Variants in UACA observed in about 807,000 individuals in gnomAD.
The protein encoded by UACA is nuclear membrane binding protein.
A neutral mutation model predicts 160.5 loss-of-function variants in UACA; 112 were observed. The ratio of observed to expected loss-of-function variants is 0.70; its 90% CI spans 0.60 to 0.82. The LOEUF is 0.82. Ranked by LOEUF, UACA falls within the 40% of genes least tolerant of loss-of-function variation. UACA has a pLI of 0.00. For synonymous variants in UACA, 557 were observed against 568.4 expected (o/e 0.98, Z 0.29); for missense variants, 1,574 against 1,614.6 (o/e 0.97, Z 0.43).
At chr15:70,703,162 G>T (rs1898423796) in intron 1 of UACA, 3 of 1,288,958 alleles carry the variant, frequency 2.3e-6, no homozygotes, top group Non-Finnish European at 2.0e-6. Flanking sequence ...CAAATTCAGG[G>T]TGGTTTTTTT....
At chr15:70,736,287 G>A (rs532195559) in intron 1 of UACA, among the ~76,000 whole-genome samples, 7 of 152,232 alleles carry the variant, frequency 4.6e-5, no homozygotes, top group African/African-American at 1.7e-4. Flanking sequence ...CGAGTAAGTA[G>A]TTTCCATACT....
intron 13 of UACA, among the ~76,000 whole-genome samples, chr15:70,675,018 T>A (rs1897265552): frequency 6.6e-6 from 1 of 152,192 alleles, no homozygotes. Context: ...TACTCCTAAA[T>A]TTTCTCATTC....
At chr15:70,701,751 C>T (rs1262871189) in intron 1 of UACA, 1 of 869,016 alleles carries the variant, frequency 1.2e-6, no homozygotes, top group African/African-American at 1.7e-5. Flanking sequence ...ATCTGCTAAT[C>T]AACTTAATCA....
chr15:70,735,931 C>T (rs1032492180), intron 1 of UACA, among the ~76,000 whole-genome samples: 2 of 152,168 alleles, frequency 1.3e-5, no homozygotes, highest in African/African-American at 2.4e-5. Flanking sequence ...CCACCTCAGC[C>T]TCCCAAAGTG....
intron 1 of UACA, among the ~76,000 whole-genome samples, chr15:70,719,049 G>C (rs1024583734): frequency 2.6e-5 from 4 of 151,052 alleles, no homozygotes; most frequent in Non-Finnish European, 5.9e-5. Context: ...GAGGAAGGAA[G>C]GGTAGAAAGA....
At chr15:70,706,757 T>G (rs564344286) in intron 1 of UACA, among the ~76,000 whole-genome samples, 1 of 152,192 alleles carries the variant, frequency 6.6e-6, no homozygotes, top group African/African-American at 2.4e-5. Flanking sequence ...GGTGAAAAAT[T>G]TGTACACTAA....
chr15:70,722,022 CTTAAAT>C (rs1321398818), intron 1 of UACA, among the ~76,000 whole-genome samples: 2 of 152,142 alleles, frequency 1.3e-5, no homozygotes, highest in African/African-American at 4.8e-5. Flanking sequence ...AGTAAGTTCT[CTTAAAT>C]TTAGACTATA....
intron 1 of UACA, among the ~76,000 whole-genome samples, chr15:70,718,250 C>T (rs950024787): frequency 3.0e-3 from 26 of 8,642 alleles, no homozygotes; most frequent in Non-Finnish European, 4.7e-3. Flanking sequence ...GACAGAGGAA[C>T]GGGGGGGAGG....
chr15:70,674,495 GTAAA>G (rs1305129396), intron 13 of UACA, among the ~76,000 whole-genome samples: 1 of 152,022 alleles, frequency 6.6e-6, no homozygotes, highest in Non-Finnish European at 1.5e-5. Flanking sequence ...TTTTTCTAAA[GTAAA>G]TAAGTATTTT....
Position 70,667,295 on chromosome 15 carries a change from T to C in UACA, c.3389A>G (p.Asn1130Ser), listed in dbSNP as rs763904811. 3 of 1,611,420 alleles carry C rather than the reference T, an allele frequency of 1.9e-6. No homozygotes were observed. Among genetic ancestry groups the C allele is most frequent in the East Asian group, 2.2e-5 (1 of 44,880 alleles). The stretch of plus-strand genomic sequence containing the variant: ...CATACTCTTCAGTTCTTCCTTTAGA[T>C]TTTCAATTGTGCCATTAAGAGATTT... ...LKKSLNGTIE[N>S]LKEELKSMQR... Residue 1130 changes from asparagine to serine, a missense_variant, in exon 16 of 19, where the codon AAT becomes AGT. Physicochemically the swap from Asn to Ser is conservative, Grantham distance 46. Transcript: ENST00000322954.
At chr15:70,659,749 C>T (rs1187677875) in intron 18 of UACA, among the ~76,000 whole-genome samples, 2 of 152,026 alleles carry the variant, frequency 1.3e-5, no homozygotes, top group Admixed American at 1.3e-4. Flanking sequence ...TTACTACAAT[C>T]CTATACACAT....
intron 1 of UACA, among the ~76,000 whole-genome samples, chr15:70,726,993 A>G (rs1261336059): frequency 6.6e-6 from 1 of 152,138 alleles, no homozygotes; most frequent in African/African-American, 2.4e-5. Context: ...TCTAATCCAC[A>G]TGCTCTTCCA....
intron 1 of UACA, chr15:70,754,220 A>G (rs756251802): frequency 2.2e-6 from 1 of 453,400 alleles, no homozygotes; most frequent in Admixed American, 2.4e-5. Flanking sequence ...GTCCCATTCA[A>G]TTACAGACAG....
At position 70,668,184 on chromosome 15, in the gene UACA, A is replaced by AT; in HGVS notation, c.2499dup (p.Cys834MetfsTer3). On this transcript the variant is annotated frameshift_variant, in exon 16 of 19. Coordinates refer to ENST00000322954, the MANE Select transcript of UACA (RefSeq NM_018003.4). LOFTEE classifies it high-confidence loss of function. ...TGTATTTTCTCCTGGTCTTCACCAC[A>AT]TTTTTTCTTAAGTTCAGACAGCTGT... 2.5e-6 allele frequency: 4 copies of AT among 1,610,882 alleles called. No individual in the cohort carries two copies. Among genetic ancestry groups the AT allele is most frequent in the Non-Finnish European group, 3.4e-6 (4 of 1,179,394 alleles).
At chr15:70,752,922 T>C (rs1423050822) in intron 1 of UACA, among the ~76,000 whole-genome samples, 1 of 152,132 alleles carries the variant, frequency 6.6e-6, no homozygotes, top group Admixed American at 6.6e-5. Context: ...ACAAAAGTTA[T>C]AATGCAACAA....
At position 70,727,922 on chromosome 15, in the gene UACA, G is replaced by C. The variant is rs1308222233; in HGVS notation, c.79-28262C>G. ...CCTGAACCACCTAAGGCTCTTCACA[G>C]AGCAGCTCAAAGTGTAGTAGACAAA... is the stretch of plus-strand genomic sequence containing the variant. On this transcript the variant is annotated intron_variant, in intron 1 of 18. Coordinates refer to ENST00000322954, the MANE Select transcript of UACA (RefSeq NM_018003.4). Among the ~76,000 whole-genome samples, 3 of 152,246 alleles carry C rather than the reference G, an allele frequency of 2.0e-5. No homozygotes were observed. In the East Asian group the frequency reaches 5.8e-4, roughly 29 times the overall value.
At chr15:70,681,119 A>T (rs760154393) in intron 9 of UACA, among the ~76,000 whole-genome samples, 4 of 151,984 alleles carry the variant, frequency 2.6e-5, no homozygotes, top group Admixed American at 2.0e-4. Flanking sequence ...TCATCCCTTA[A>T]TTCTGTTTTG....
intron 1 of UACA, among the ~76,000 whole-genome samples, chr15:70,736,668 T>A (rs1265292124): frequency 3.3e-5 from 5 of 152,130 alleles, no homozygotes; most frequent in Non-Finnish European, 7.4e-5. Flanking sequence ...CTCGAACTCC[T>A]GACCTCAAAT....
intron 1 of UACA, among the ~76,000 whole-genome samples, chr15:70,737,796 C>T (rs1412472287): frequency 6.6e-6 from 1 of 152,148 alleles, no homozygotes; most frequent in African/African-American, 2.4e-5. Context: ...ATATATTAGA[C>T]ATTTGGATTT....
Sources: gnomAD v4.1 joint callset for allele counts (sites outside exome capture counted in the v4.1 genomes callset) on GRCh38, gnomAD v4.1.1 for gene constraint, MANE v1.5 for transcripts, NCBI Gene and HGNC (gene_info 2026-07-23, HGNC 2026-07-21) for gene names.